ERCC6L2: variants seen among roughly 807,000 people sequenced by gnomAD.
The protein encoded by ERCC6L2 is DNA excision repair protein ERCC-6-like 2.
Under a neutral mutation model 132.0 loss-of-function variants are expected in ERCC6L2, and 77 were observed. The ratio of observed to expected loss-of-function variants is 0.58; its 90% CI spans 0.49 to 0.71. ERCC6L2 has a LOEUF of 0.71. Ranked by LOEUF, ERCC6L2 falls within the 30% of genes least tolerant of loss-of-function variation. ERCC6L2 has a pLI of 0.00. For synonymous variants in ERCC6L2, 583 were observed against 632.4 expected, an observed-to-expected ratio of 0.92 and a Z score of 1.17; for missense variants, 1,542 against 1,837.6, an observed-to-expected ratio of 0.84 and a Z score of 2.94.
At chr9:95,939,543 C>T (rs1239434492) in intron 11 of ERCC6L2, among the ~76,000 whole-genome samples, 1 of 152,174 alleles carries the variant, frequency 6.6e-6, no homozygotes, top group Non-Finnish European at 1.5e-5. Context: ...TACTGGTTCT[C>T]ATCATGCTTA....
chr9:96,020,630 G>A (rs564852362), downstream of ERCC6L2: 39 of 391,614 alleles, frequency 1.0e-4, no homozygotes, highest in Admixed American at 8.7e-5. Context: ...TAAGGGACAA[G>A]GCCCACCGAG....
At chr9:95,954,996 A>T (rs1217583199) in intron 12 of ERCC6L2, 2 of 414,460 alleles carry the variant, frequency 4.8e-6, no homozygotes, top group Non-Finnish European at 9.9e-6. Flanking sequence ...TTTCCCCCAA[A>T]TTGTGACATT....
intron 6 of ERCC6L2, among the ~76,000 whole-genome samples, chr9:95,919,382 A>G (rs1829754316): frequency 6.6e-6 from 1 of 152,238 alleles, no homozygotes; most frequent in African/African-American, 2.4e-5. Context: ...CCCTGAAGTC[A>G]GGAAGTGCCT....
intron 11 of ERCC6L2, among the ~76,000 whole-genome samples, chr9:95,939,120 A>G (rs940250515): frequency 3.9e-5 from 6 of 152,242 alleles, no homozygotes; most frequent in Admixed American, 3.9e-4. Flanking sequence ...TATTTCCTCT[A>G]CATGCCCTAA....
chr9:95,883,974 C>A (rs1407314792), intron 2 of ERCC6L2, among the ~76,000 whole-genome samples: 1 of 152,194 alleles, frequency 6.6e-6, no homozygotes, highest in Non-Finnish European at 1.5e-5. Flanking sequence ...ATTTTAGTCT[C>A]AAATTTGAAG....
intron 3 of ERCC6L2, among the ~76,000 whole-genome samples, chr9:95,905,639 A>G (rs375200617): frequency 6.6e-6 from 1 of 152,202 alleles, no homozygotes. Flanking sequence ...CAAAGGACGG[A>G]CATACTTGAG....
chr9:95,948,710 C>G (rs1831179844), intron 12 of ERCC6L2, among the ~76,000 whole-genome samples: 1 of 149,286 alleles, frequency 6.7e-6, no homozygotes, highest in Non-Finnish European at 1.5e-5. Context: ...TAGTGAAGGT[C>G]TTCCTTACCA....
rs1326274629 is a variant in ERCC6L2 at position 96,018,240 on chromosome 9, T to C, written c.*5037T>C. On this transcript the variant is annotated 3_prime_UTR_variant, in exon 19 of 19. Coordinates refer to ENST00000653738, the MANE Select transcript of ERCC6L2 (RefSeq NM_020207.7). Reference sequence around the variant, plus strand: ...AGTCATTAAAATGCTAAATTTTGTATGTGTTTTACAATTTTAAAAATGGAA... The same window carrying C: ...AGTCATTAAAATGCTAAATTTTGTACGTGTTTTACAATTTTAAAAATGGAA... Among the ~76,000 whole-genome samples, 3 of 152,190 alleles carry C rather than the reference T, an allele frequency of 2.0e-5. No individual in the cohort carries two copies. The highest frequency in any genetic ancestry group is 7.2e-5 in the African/African-American group (3 of 41,438).
rs1442358742 is a variant in ERCC6L2 at position 96,015,478 on chromosome 9, A to G, written c.*2275A>G. 1.3e-5 allele frequency among the ~76,000 whole-genome samples: 2 copies of G among 150,064 alleles called. No individual in the cohort carries two copies. Among genetic ancestry groups the G allele is most frequent in the Non-Finnish European group, 3.0e-5 (2 of 67,564 alleles). On this transcript the variant is annotated 3_prime_UTR_variant, in exon 19 of 19. Coordinates refer to ENST00000653738, the MANE Select transcript of ERCC6L2 (RefSeq NM_020207.7). The stretch of plus-strand genomic sequence containing the variant: ...GCTGGGATTACAGGTGTGAGCCACC[A>G]TGCCCAGCCAATAAATGCTATTAAA...
intron 19 of ERCC6L2, among the ~76,000 whole-genome samples, chr9:96,031,151 G>T (rs1313061589): frequency 6.6e-6 from 1 of 152,212 alleles, no homozygotes; most frequent in African/African-American, 2.4e-5. Context: ...TGTTGAGATA[G>T]AGCAGTGTCT....
Position 96,015,719 on chromosome 9 carries a change from C to T in ERCC6L2, c.*2516C>T, listed in dbSNP as rs1293496825. Among the ~76,000 whole-genome samples the T allele has an allele frequency of 6.6e-6, 1 of 151,742 alleles. No individual in the cohort carries two copies. The highest frequency in any genetic ancestry group is 1.5e-5 in the Non-Finnish European group (1 of 67,986). On this transcript the variant is annotated 3_prime_UTR_variant, in exon 19 of 19. Transcript: ENST00000653738. ...TCGGGAGGCTGAGGCAGGAGAATGGCGTGAACCTGGGAGGCAGAGCTTGCA... is the reference window on the plus strand; with the variant it reads ...TCGGGAGGCTGAGGCAGGAGAATGGTGTGAACCTGGGAGGCAGAGCTTGCA...
rs528275703 is a variant in ERCC6L2 at position 96,015,968 on chromosome 9, A to G, written c.*2765A>G. On this transcript the variant is annotated 3_prime_UTR_variant, in exon 19 of 19. Coordinates refer to ENST00000653738, the MANE Select transcript of ERCC6L2 (RefSeq NM_020207.7). ...CAGTATGAAAAGGAGCCTGTTTCAG[A>G]ACGGAAACTGTCAGGTGGAGTGGAC... Among the ~76,000 whole-genome samples, 2 of 152,308 alleles carry G rather than the reference A, an allele frequency of 1.3e-5. No individual in the cohort carries two copies. The highest frequency in any genetic ancestry group is 6.5e-5 in the Admixed American group (1 of 15,302).
At chr9:95,981,529 A>G (rs2133121747) in intron 17 of ERCC6L2, among the ~76,000 whole-genome samples, 1 of 152,290 alleles carries the variant, frequency 6.6e-6, no homozygotes, top group African/African-American at 2.4e-5. Context: ...ATAAGAACAC[A>G]TTTTGCCTTA....
intron 12 of ERCC6L2, chr9:95,954,874 G>T (rs1320106943): frequency 1.1e-5 from 5 of 471,000 alleles, no homozygotes; most frequent in Non-Finnish European, 2.2e-5. Context: ...TGTGAGATTT[G>T]CAGGATCCAA....
At chr9:95,906,641 G>C (rs765154446) in intron 3 of ERCC6L2, 5 of 456,762 alleles carry the variant, frequency 1.1e-5, no homozygotes, top group Non-Finnish European at 2.2e-5. Flanking sequence ...AGCGGAAATG[G>C]GCTAGGAAAA....
At chr9:95,932,649 A>G (rs1830390784) in intron 11 of ERCC6L2, among the ~76,000 whole-genome samples, 1 of 152,194 alleles carries the variant, frequency 6.6e-6, no homozygotes, top group African/African-American at 2.4e-5. Context: ...TCTTAGAAGC[A>G]TTGTTCAAAT....
rs373551096 is a variant in ERCC6L2, at chr9:95,898,102, A to G, written c.594+131A>G. The G allele has an allele frequency of 4.9e-5, 42 of 853,196 alleles. No homozygotes were observed. The South Asian group carries it at 1.1e-3, about 23-fold the overall frequency. 52.9% of individuals were successfully genotyped at this position (853,196 alleles called of 1,614,324 possible). A position where few individuals can be genotyped will look rare whatever the true frequency, so the allele number is the denominator to read the frequency against. On this transcript the variant is annotated intron_variant, in intron 3 of 18. Transcript: ENST00000653738. ...AACCTAAGAATTTAAAGATGTTATT[A>G]AAATATTTGTTTTATAGGCCTAATT...
At chr9:95,997,977 G>A (rs762589846) in intron 17 of ERCC6L2, among the ~76,000 whole-genome samples, 3 of 152,038 alleles carry the variant, frequency 2.0e-5, no homozygotes, top group Non-Finnish European at 4.4e-5. Flanking sequence ...CTTTTCTAAC[G>A]AGCACCAAAA....
At chr9:95,953,556 CAG>C (rs1275726850) in intron 12 of ERCC6L2, among the ~76,000 whole-genome samples, 1 of 136,996 alleles carries the variant, frequency 7.3e-6, no homozygotes, top group East Asian at 2.2e-4. Context: ...GCCTGGGAGA[CAG>C]AGTGAGACTC....
Sources: allele counts gnomAD v4.1 joint callset (sites outside exome capture counted in the v4.1 genomes callset), GRCh38; gene constraint gnomAD v4.1.1; transcripts MANE v1.5; gene names NCBI Gene and HGNC (gene_info 2026-07-23, HGNC 2026-07-21).